Variants in GOSR1 observed in about 807,000 individuals in gnomAD.
The protein encoded by GOSR1 is golgi SNAP receptor complex member 1.
Under a neutral mutation model 35.5 loss-of-function variants are expected in GOSR1, and 21 were observed. The observed-to-expected ratio is 0.59, with a 90% CI of 0.42 to 0.85. GOSR1 has a LOEUF of 0.85. Ranked by LOEUF, GOSR1 falls within the 40% of genes least tolerant of loss-of-function variation. GOSR1 has a pLI of 0.00. For missense variants in GOSR1, 285 were observed against 309.6 expected (o/e 0.92, Z 0.60); for synonymous variants, 94 against 106.6 (o/e 0.88, Z 0.73).
chr17:30,505,656 T>A (rs1204439600), intron 6 of GOSR1, among the ~76,000 whole-genome samples: 1 of 152,214 alleles, frequency 6.6e-6, no homozygotes, highest in East Asian at 1.9e-4. Flanking sequence ...TCTTTGATGT[T>A]ACTCTTGTAA....
intron 8 of GOSR1, among the ~76,000 whole-genome samples, chr17:30,521,893 G>C (rs1366944322): frequency 6.6e-6 from 1 of 152,138 alleles, no homozygotes. Context: ...CTATGCCTGT[G>C]CCTCCCTGCC....
Position 30,486,866 on chromosome 17 carries a change from A to G in GOSR1, c.342+2096A>G, listed in dbSNP as rs115200781. 7.4e-3 allele frequency among the ~76,000 whole-genome samples: 1,131 copies of G among 152,342 alleles called. 15 individuals are homozygous for G. Among genetic ancestry groups the G allele is most frequent in the African/African-American group, 0.025 (1,056 of 41,578 alleles). On this transcript the variant is annotated intron_variant, in intron 4 of 8. Coordinates refer to ENST00000451249, the MANE Select transcript of GOSR1 (RefSeq NM_001007025.2). ...GGAAAGAATCATTCTGTTTTTGGAT[A>G]GGAAGACTTTCGTCTAAATTGCATG...
chr17:30,518,979 CAA>C (rs1463485465), intron 7 of GOSR1, among the ~76,000 whole-genome samples: 1 of 149,694 alleles, frequency 6.7e-6, no homozygotes, highest in South Asian at 2.2e-4. Flanking sequence ...GATATTAACT[CAA>C]GAGATCTTTT....
In GOSR1 at chr17:30,517,249, G is replaced by T. The variant is rs186023340; in HGVS notation, c.540-2690G>T. Reference sequence around the variant, plus strand: ...TGTATATTATCAAAATGTTCTTATTGTAACAACTTAACTAATACTAAAATG... The same window carrying T: ...TGTATATTATCAAAATGTTCTTATTTTAACAACTTAACTAATACTAAAATG... On this transcript the variant is annotated intron_variant, in intron 7 of 8. Transcript: ENST00000451249. Among the ~76,000 whole-genome samples, 990 of 152,006 alleles carry T rather than the reference G, an allele frequency of 6.5e-3. 7 individuals are homozygous for T. Among genetic ancestry groups the T allele is most frequent in the Non-Finnish European group, 0.01 (686 of 67,964 alleles).
chr17:30,514,489 C>A (rs1967728372), intron 7 of GOSR1, among the ~76,000 whole-genome samples: 1 of 152,162 alleles, frequency 6.6e-6, no homozygotes. Flanking sequence ...ATTATTTAAC[C>A]TAACCAAGAT....
chr17:30,498,129 T>C (rs977186722), intron 6 of GOSR1, among the ~76,000 whole-genome samples: 1 of 151,974 alleles, frequency 6.6e-6, no homozygotes. Context: ...TATATCAGTA[T>C]AATGAACATT....
Position 30,524,330 on chromosome 17 carries a change from CTG to C in GOSR1, c.*1954_*1955del, listed in dbSNP as rs1968145502. On this transcript the variant is annotated 3_prime_UTR_variant, in exon 9 of 9. Coordinates refer to ENST00000451249, the MANE Select transcript of GOSR1 (RefSeq NM_001007025.2). Reference sequence around the variant, plus strand: ...AGATTTCTACTCTGTCTCCTCAACTCTGTTGATATTTGGGGAAAATTCTGTTT... The same window carrying C: ...AGATTTCTACTCTGTCTCCTCAACTCTTGATATTTGGGGAAAATTCTGTTT... The C allele has an allele frequency of 6.6e-6, 1 of 152,200 alleles. No homozygotes were observed. Among genetic ancestry groups the C allele is most frequent in the South Asian group, 2.1e-4 (1 of 4,832 alleles). The allele number at this position is 152,200 out of a possible 1,614,324, so 9.4% of individuals were successfully genotyped here. A position where few individuals can be genotyped will look rare whatever the true frequency, so the allele number is the denominator to read the frequency against.
In GOSR1 at chr17:30,485,387, G is replaced by A. The variant is rs993156703; in HGVS notation, c.342+617G>A. ...GCTCAAACAAGCCTCCTACCTCAGC[G>A]TCCTGAGCATCTGGGACCACAAGCA... On this transcript the variant is annotated intron_variant, in intron 4 of 8. Coordinates refer to ENST00000451249, the MANE Select transcript of GOSR1 (RefSeq NM_001007025.2). Among the ~76,000 whole-genome samples the A allele has an allele frequency of 9.2e-5, 14 of 151,896 alleles. No homozygotes were observed. The East Asian group carries it at 1.7e-3, about 19-fold the overall frequency.
intron 7 of GOSR1, among the ~76,000 whole-genome samples, chr17:30,513,088 G>A (rs1967670189): frequency 6.6e-6 from 1 of 151,872 alleles, no homozygotes; most frequent in African/African-American, 2.4e-5. Flanking sequence ...AGAATATAAA[G>A]TTTGTGTCAA....
intron 7 of GOSR1, among the ~76,000 whole-genome samples, chr17:30,517,039 A>G (rs2143903108): frequency 6.6e-6 from 1 of 152,252 alleles, no homozygotes; most frequent in Non-Finnish European, 1.5e-5. Flanking sequence ...TAAATACCCA[A>G]ATACTATGTA....
intron 7 of GOSR1, among the ~76,000 whole-genome samples, chr17:30,513,143 T>A (rs185899968): frequency 6.6e-6 from 1 of 152,322 alleles, no homozygotes; most frequent in Non-Finnish European, 1.5e-5. Context: ...ACCTTTTCCT[T>A]TTAGAGATAC....
At chr17:30,520,197 A>G (rs893866536) in intron 8 of GOSR1, 176 bp downstream of exon 8, 1 of 500,500 alleles carries the variant, frequency 2.0e-6, no homozygotes, top group African/African-American at 2.0e-5. Context: ...CTTTAGTACC[A>G]TTCCTAAAAG....
chr17:30,496,486 C>T (rs1236355714), intron 6 of GOSR1, among the ~76,000 whole-genome samples: 1 of 152,168 alleles, frequency 6.6e-6, no homozygotes, highest in South Asian at 2.1e-4. Flanking sequence ...CTCCACATAC[C>T]TTTCTTACTT....
At chr17:30,509,119 G>A (rs149464316) in intron 6 of GOSR1, among the ~76,000 whole-genome samples, 1,724 of 152,206 alleles carry the variant, frequency 0.011, 35 homozygotes, top group African/African-American at 0.039. Flanking sequence ...GGGATTACAG[G>A]TGCCCGCCAC....
chr17:30,522,171 A>G, intron 8 of GOSR1, 83 bp from the exon 9 acceptor site: 1 of 1,100,954 alleles, frequency 9.1e-7, no homozygotes, highest in Non-Finnish European at 1.3e-6. Context: ...TCTAGACACC[A>G]CTGATCTCTA....
At chr17:30,500,950 G>A (rs1967181260) in intron 6 of GOSR1, among the ~76,000 whole-genome samples, 1 of 149,046 alleles carries the variant, frequency 6.7e-6, no homozygotes, top group Non-Finnish European at 1.5e-5. Context: ...GCGGGATCTC[G>A]GCTCACTGCA....
intron 6 of GOSR1, among the ~76,000 whole-genome samples, chr17:30,510,354 G>A (rs917505031): frequency 5.9e-5 from 9 of 152,076 alleles, no homozygotes; most frequent in East Asian, 1.9e-4. Flanking sequence ...GATTACCGGC[G>A]TGAGCCACCG....
At chr17:30,484,881 T>A (rs759076815) in intron 4 of GOSR1, 111 bp downstream of exon 4, 1 of 721,704 alleles carries the variant, frequency 1.4e-6, no homozygotes, top group African/African-American at 1.8e-5. Context: ...AAGAGAAAAA[T>A]CTGAGAAAAT....
At chr17:30,495,487 T>C (rs900328224) in intron 6 of GOSR1, 17 of 453,960 alleles carry the variant, frequency 3.7e-5, no homozygotes, top group Non-Finnish European at 5.3e-5. Flanking sequence ...AGAAAAAGCC[T>C]CATCTCTTCT....
Sources: allele counts gnomAD v4.1 joint callset (sites outside exome capture counted in the v4.1 genomes callset), GRCh38; gene constraint gnomAD v4.1.1; transcripts MANE v1.5; gene names NCBI Gene and HGNC (gene_info 2026-07-23, HGNC 2026-07-21).